Variants in ACO2 observed in about 807,000 individuals in gnomAD.
ACO2 encodes aconitase 2, also known as aconitate hydratase, mitochondrial.
ACO2 carries 31 observed loss-of-function variants against 84.5 expected under a neutral mutation model. The ratio of observed to expected loss-of-function variants is 0.37; its 90% CI spans 0.28 to 0.50. The LOEUF is 0.50. ACO2 is among the 20% of genes least tolerant of loss of function. The pLI is 0.97. For synonymous variants in ACO2, 414 were observed against 412.7 expected, an observed-to-expected ratio of 1.00 and a Z score of -0.04; for missense variants, 685 against 1,029.3, an observed-to-expected ratio of 0.67 and a Z score of 4.58.
At chr22:41,470,816 T>G (rs2037937696) in intron 1 of ACO2, among the ~76,000 whole-genome samples, 1 of 152,156 alleles carries the variant, frequency 6.6e-6, no homozygotes, top group Non-Finnish European at 1.5e-5. Flanking sequence ...GTCCTGGGAT[T>G]ACAGGTGTGA....
chr22:41,487,610 C>G (rs2066237841), intron 1 of ACO2, among the ~76,000 whole-genome samples: 1 of 152,136 alleles, frequency 6.6e-6, no homozygotes, highest in Non-Finnish European at 1.5e-5. Context: ...GTGACCTTGG[C>G]ATTCATATCC....
At chr22:41,483,871 AGAG>A in intron 1 of ACO2, among the ~76,000 whole-genome samples, 1 of 152,280 alleles carries the variant, frequency 6.6e-6, no homozygotes, top group Non-Finnish European at 1.5e-5. Flanking sequence ...ATCCAACTCA[AGAG>A]GAGGACAGGA....
chr22:41,504,247 C>A (rs553443715), intron 2 of ACO2, among the ~76,000 whole-genome samples: 94 of 152,196 alleles, frequency 6.2e-4, no homozygotes, highest in African/African-American at 2.2e-3. Flanking sequence ...AAAAATAAAG[C>A]GTTCTATTCT....
chr22:41,472,722 A>G (rs932070792), intron 1 of ACO2, among the ~76,000 whole-genome samples: 4 of 152,198 alleles, frequency 2.6e-5, no homozygotes, highest in African/African-American at 9.7e-5. Context: ...TGCTGAGATT[A>G]CAAGCGTGAG....
intron 3 of ACO2, 140 bp downstream of exon 3, chr22:41,508,189 A>G: frequency 8.7e-7 from 1 of 1,145,682 alleles, no homozygotes; most frequent in South Asian, 1.6e-5. Flanking sequence ...ACTTGATTTT[A>G]CTTGTTTCTC....
At chr22:41,478,932 G>A (rs1025434005) in intron 1 of ACO2, among the ~76,000 whole-genome samples, 2 of 151,938 alleles carry the variant, frequency 1.3e-5, no homozygotes, top group Non-Finnish European at 2.9e-5. Context: ...CACCACACCT[G>A]GTTAATTTTC....
At chr22:41,525,543 T>G (rs960962148) in intron 14 of ACO2, among the ~76,000 whole-genome samples, 195 bp downstream of exon 14, 1 of 152,194 alleles carries the variant, frequency 6.6e-6, no homozygotes, top group Non-Finnish European at 1.5e-5. Context: ...GGCCCCGAAC[T>G]GGGCAGAGCT....
At chr22:41,508,523 G>A (rs1183626979) in intron 3 of ACO2, among the ~76,000 whole-genome samples, 1 of 152,238 alleles carries the variant, frequency 6.6e-6, no homozygotes, top group African/African-American at 2.4e-5. Context: ...TCATACTTGA[G>A]TTCTGTAACT....
At chr22:41,517,676 C>G in intron 7 of ACO2, 45 bp downstream of exon 7, 1 of 1,493,282 alleles carries the variant, frequency 6.7e-7, no homozygotes, top group Non-Finnish European at 9.3e-7. Context: ...CAGTCACATG[C>G]CCGCTCCTCC....
chr22:41,503,467 A>G (rs1171267182), intron 2 of ACO2, among the ~76,000 whole-genome samples: 3 of 152,056 alleles, frequency 2.0e-5, no homozygotes, highest in African/African-American at 7.2e-5. Context: ...AGTAGCTGGG[A>G]TTACAGGCGC....
At chr22:41,501,283 C>T (rs935742982) in intron 2 of ACO2, among the ~76,000 whole-genome samples, 8 of 152,120 alleles carry the variant, frequency 5.3e-5, no homozygotes, top group South Asian at 2.1e-4. Flanking sequence ...ATTACAGGCG[C>T]GAGCCATGGT....
At chr22:41,489,275 C>T (rs1739276503) in intron 1 of ACO2, among the ~76,000 whole-genome samples, 2 of 152,136 alleles carry the variant, frequency 1.3e-5, no homozygotes, top group Non-Finnish European at 2.9e-5. Context: ...AACTCCTGGG[C>T]TCAAACCATC....
At position 41,527,948 on chromosome 22, in the gene ACO2, C is replaced by A; in HGVS notation, c.2134C>A (p.Pro712Thr). Reference sequence around the variant, plus strand: ...CCTGCTGCCTCTGACCTTCGCTGACCCGGCTGACTACAACAAGATTCACCC... The same window carrying A: ...CCTGCTGCCTCTGACCTTCGCTGACACGGCTGACTACAACAAGATTCACCC... ...QGLLPLTFAD[P>T]ADYNKIHPVD... is the part of the protein sequence containing the mutation. Residue 712 changes from proline (P) to threonine (T), a missense_variant, in exon 17 of 18, where the codon CCG becomes ACG. Physicochemically the swap from Pro to Thr is conservative, Grantham distance 38. This residue lies in a region of ACO2 where 174 missense variants were observed against 236.6 expected (regional missense o/e 0.74). Coordinates refer to ENST00000216254, the MANE Select transcript of ACO2 (RefSeq NM_001098.3). The A allele has an allele frequency of 8.1e-6, 13 of 1,614,176 alleles. No individual in the cohort carries two copies. Among genetic ancestry groups the A allele is most frequent in the Non-Finnish European group, 1.0e-5 (12 of 1,180,026 alleles).
chr22:41,526,065 G>A (rs1390131211), intron 14 of ACO2, 197 bp from the exon 15 acceptor site: 1 of 541,044 alleles, frequency 1.8e-6, no homozygotes, highest in Non-Finnish European at 3.3e-6. Flanking sequence ...TTGAGGGGAT[G>A]AAGGCCTGGC....
intron 2 of ACO2, among the ~76,000 whole-genome samples, chr22:41,501,037 T>A (rs922084075): frequency 6.6e-6 from 1 of 151,520 alleles, no homozygotes; most frequent in Non-Finnish European, 1.5e-5. Flanking sequence ...AGGGTCTCAC[T>A]CTCTTGCCCA....
intron 1 of ACO2, among the ~76,000 whole-genome samples, chr22:41,481,093 T>C (rs2038081924): frequency 6.6e-6 from 1 of 152,172 alleles, no homozygotes; most frequent in African/African-American, 2.4e-5. Flanking sequence ...ATTACAGGCA[T>C]GAGCCATTAC....
At chr22:41,493,309 T>A (rs961642761) in intron 1 of ACO2, among the ~76,000 whole-genome samples, 1 of 152,128 alleles carries the variant, frequency 6.6e-6, no homozygotes, top group Non-Finnish European at 1.5e-5. Flanking sequence ...GCCCTTGAAG[T>A]TAGTCTACAG....
At chr22:41,488,067 T>A (rs1167017452) in intron 1 of ACO2, among the ~76,000 whole-genome samples, 1 of 152,202 alleles carries the variant, frequency 6.6e-6, no homozygotes, top group Non-Finnish European at 1.5e-5. Context: ...GCTTGATTGC[T>A]CATATTTCTG....
intron 2 of ACO2, among the ~76,000 whole-genome samples, chr22:41,503,879 T>C (rs2066372045): frequency 1.3e-5 from 2 of 152,174 alleles, no homozygotes; most frequent in African/African-American, 4.8e-5. Flanking sequence ...TGAGAAACCC[T>C]GACACGGAGA....
Sources: gnomAD v4.1 joint callset for allele counts (sites outside exome capture counted in the v4.1 genomes callset) on GRCh38, gnomAD v4.1.1 for gene constraint, gnomAD v4.1.1 regional missense constraint, MANE v1.5 for transcripts, NCBI Gene and HGNC (gene_info 2026-07-23, HGNC 2026-07-21) for gene names.